Variants in LRRC4C observed in about 807,000 individuals in gnomAD.
LRRC4C encodes leucine rich repeat containing 4C.
A neutral mutation model predicts 33.6 loss-of-function variants in LRRC4C; 5 were observed. The ratio of observed to expected loss-of-function variants is 0.15; its 90% CI spans 0.08 to 0.31. LRRC4C has a LOEUF of 0.31. Ranked by LOEUF, LRRC4C falls within the 10% of genes least tolerant of loss-of-function variation. LRRC4C has a pLI of 1.00. For missense variants in LRRC4C, 560 were observed against 796.7 expected, an observed-to-expected ratio of 0.70 and a Z score of 3.58; for synonymous variants, 329 against 302.0, an observed-to-expected ratio of 1.09 and a Z score of -0.93.
intron 2 of LRRC4C, among the ~76,000 whole-genome samples, chr11:40,906,248 C>T (rs1209430965): frequency 4.6e-5 from 7 of 152,214 alleles, no homozygotes; most frequent in African/African-American, 1.2e-4. Flanking sequence ...CAGTGGCTCA[C>T]GCCTGTGCTC....
intron 3 of LRRC4C, among the ~76,000 whole-genome samples, chr11:40,389,306 G>C (rs1346626342): frequency 1.3e-5 from 2 of 152,086 alleles, no homozygotes; most frequent in Non-Finnish European, 2.9e-5. Flanking sequence ...AGAAAGAGCA[G>C]GGCATTGTTA....
At chr11:40,568,958 G>T (rs1282799331) in intron 3 of LRRC4C, among the ~76,000 whole-genome samples, 1 of 152,156 alleles carries the variant, frequency 6.6e-6, no homozygotes, top group Non-Finnish European at 1.5e-5. Flanking sequence ...GAAAATACTA[G>T]CTCTTTACTC....
chr11:40,945,023 CTTTTTT>C (rs767515626), intron 1 of LRRC4C, among the ~76,000 whole-genome samples: 3 of 111,122 alleles, frequency 2.7e-5, no homozygotes, highest in African/African-American at 3.6e-5. Context: ...TGCAGTTTTT[CTTTTTT>C]TTTTTTTTTT....
At chr11:41,092,092 A>C (rs1451977265) in intron 1 of LRRC4C, among the ~76,000 whole-genome samples, 2 of 152,136 alleles carry the variant, frequency 1.3e-5, no homozygotes, top group Non-Finnish European at 2.9e-5. Flanking sequence ...TACAATAAAA[A>C]CGTATTATTT....
chr11:41,400,561 G>A (rs1185365913), intron 1 of LRRC4C, among the ~76,000 whole-genome samples: 1 of 132,510 alleles, frequency 7.5e-6, no homozygotes, highest in African/African-American at 2.9e-5. Context: ...AAACATTAAT[G>A]GAAGGAGAAG....
chr11:40,675,506 A>T (rs1470686026), intron 2 of LRRC4C, among the ~76,000 whole-genome samples: 1 of 152,092 alleles, frequency 6.6e-6, no homozygotes, highest in African/African-American at 2.4e-5. Flanking sequence ...ATCCCTTTTT[A>T]CTAATCTAGG....
chr11:40,628,023 CATA>C (rs1304049574), intron 3 of LRRC4C, among the ~76,000 whole-genome samples: 5 of 152,136 alleles, frequency 3.3e-5, no homozygotes, highest in Non-Finnish European at 5.9e-5. Context: ...TCCTAAGGGA[CATA>C]ATGTCACTTG....
intron 1 of LRRC4C, among the ~76,000 whole-genome samples, chr11:41,054,466 T>C (rs1858472577): frequency 6.6e-6 from 1 of 152,174 alleles, no homozygotes; most frequent in South Asian, 2.1e-4. Flanking sequence ...TGTCAAAGAT[T>C]TTGAAAGTGC....
chr11:41,036,765 A>C (rs1043828556), intron 1 of LRRC4C, among the ~76,000 whole-genome samples: 21 of 152,222 alleles, frequency 1.4e-4, no homozygotes, highest in African/African-American at 4.8e-4. Flanking sequence ...TAGTTTGAAA[A>C]GAGATTTCAA....
At chr11:40,680,694 G>A (rs1167207307) in intron 2 of LRRC4C, among the ~76,000 whole-genome samples, 1 of 152,156 alleles carries the variant, frequency 6.6e-6, no homozygotes, top group African/African-American at 2.4e-5. Flanking sequence ...GGCCCCATCA[G>A]CCATATGGGA....
At chr11:40,445,025 G>T (rs1951566810) in intron 3 of LRRC4C, among the ~76,000 whole-genome samples, 2 of 152,180 alleles carry the variant, frequency 1.3e-5, no homozygotes, top group East Asian at 3.9e-4. Flanking sequence ...GTCAACTTTG[G>T]GGTCATCTGA....
intron 2 of LRRC4C, among the ~76,000 whole-genome samples, chr11:40,765,438 T>G (rs1038579966): frequency 6.6e-6 from 1 of 152,186 alleles, no homozygotes; most frequent in African/African-American, 2.4e-5. Flanking sequence ...TAAACCCCTT[T>G]TCTTTATAAA....
chr11:40,321,441 C>T (rs955370456), intron 3 of LRRC4C, among the ~76,000 whole-genome samples: 4 of 152,136 alleles, frequency 2.6e-5, no homozygotes, highest in African/African-American at 4.8e-5. Flanking sequence ...CTCTACATTA[C>T]TGTACAAATT....
At chr11:40,507,893 C>G (rs1955116528) in intron 3 of LRRC4C, among the ~76,000 whole-genome samples, 1 of 152,002 alleles carries the variant, frequency 6.6e-6, no homozygotes, top group Admixed American at 6.6e-5. Flanking sequence ...GCAGGCACCA[C>G]CACACCTGGT....
At chr11:41,424,785 T>G (rs1383081697) in intron 1 of LRRC4C, among the ~76,000 whole-genome samples, 1 of 152,070 alleles carries the variant, frequency 6.6e-6, no homozygotes, top group African/African-American at 2.4e-5. Context: ...ATCTTGAGAG[T>G]CTTTTAGATT....
chr11:40,650,100 A>C (rs1256566385), intron 2 of LRRC4C, among the ~76,000 whole-genome samples: 1 of 152,226 alleles, frequency 6.6e-6, no homozygotes, highest in African/African-American at 2.4e-5. Context: ...CTAATGAAGA[A>C]TTCCAAAAAA....
At chr11:40,737,748 A>G (rs1947956418) in intron 2 of LRRC4C, among the ~76,000 whole-genome samples, 1 of 152,206 alleles carries the variant, frequency 6.6e-6, no homozygotes, top group African/African-American at 2.4e-5. Flanking sequence ...AAAACATTCC[A>G]TGTTCATGGA....
At chr11:40,654,564 T>A (rs1942998694) in intron 2 of LRRC4C, among the ~76,000 whole-genome samples, 1 of 152,184 alleles carries the variant, frequency 6.6e-6, no homozygotes, top group South Asian at 2.1e-4. Flanking sequence ...ATGCCTGGAC[T>A]CCCATTGTAT....
At chr11:41,068,396 C>A (rs1316370799) in intron 1 of LRRC4C, among the ~76,000 whole-genome samples, 1 of 151,228 alleles carries the variant, frequency 6.6e-6, no homozygotes, top group East Asian at 1.9e-4. Context: ...GTCCCCTCCC[C>A]CCAACAAAAA....
Sources: gnomAD v4.1 joint callset for allele counts (sites outside exome capture counted in the v4.1 genomes callset) on GRCh38, gnomAD v4.1.1 for gene constraint, MANE v1.5 for transcripts, NCBI Gene and HGNC (gene_info 2026-07-23, HGNC 2026-07-21) for gene names.